The following NEURL1 variants were observed in gnomAD, a reference collection of about 807,000 sequenced individuals.
NEURL1 encodes E3 ubiquitin-protein ligase NEURL1.
Under a neutral mutation model 41.2 loss-of-function variants are expected in NEURL1, and 26 were observed. The ratio of observed to expected loss-of-function variants is 0.63; its 90% CI spans 0.46 to 0.87. The LOEUF (loss-of-function observed/expected upper bound fraction) is 0.87. Among genes scored for constraint, NEURL1 ranks in the 40% least tolerant of loss-of-function variants. The probability of loss-of-function intolerance (pLI) is 0.00; values close to 1 mark genes in which losing one functional copy is unlikely to be tolerated. For missense variants in NEURL1, 761 were observed against 871.1 expected (o/e 0.87, Z 1.59); for synonymous variants, 400 against 402.3 (o/e 0.99, Z 0.07).
chr10:103,518,857 G>C (rs1230967020), intron 1 of NEURL1, among the ~76,000 whole-genome samples: 2 of 152,212 alleles, frequency 1.3e-5, no homozygotes, highest in Non-Finnish European at 2.9e-5. Flanking sequence ...ATTGGCTGGG[G>C]TTGAGTAGTG....
chr10:103,545,835 G>A lies in NEURL1; in HGVS notation c.86-25037G>A, dbSNP rs1198215145. ...AGTCCCCACTTTCTCTTTTGGAGACGTGTGTGGTGCTGAAGCTCTGACCCC... is the reference window on the plus strand; with the variant it reads ...AGTCCCCACTTTCTCTTTTGGAGACATGTGTGGTGCTGAAGCTCTGACCCC... On this transcript the variant is annotated intron_variant, in intron 1 of 5. Transcript: ENST00000369780. This position sits in a 1 kb window ranked among gnomAD's most constrained non-coding sequence, Gnocchi z 4.5. Among the ~76,000 whole-genome samples, 1 of 152,172 alleles carries A rather than the reference G, an allele frequency of 6.6e-6. No individual in the cohort carries two copies. Among genetic ancestry groups the A allele is most frequent in the Non-Finnish European group, 1.5e-5 (1 of 68,034 alleles).
At chr10:103,529,770 T>TTC (rs1256038464) in intron 1 of NEURL1, among the ~76,000 whole-genome samples, 1 of 152,224 alleles carries the variant, frequency 6.6e-6, no homozygotes, top group African/African-American at 2.4e-5. Flanking sequence ...TTGAAAAGTT[T>TTC]TCTTGACTCC....
intron 1 of NEURL1, among the ~76,000 whole-genome samples, chr10:103,495,058 G>C (rs2033651148): frequency 6.6e-6 from 1 of 152,186 alleles, no homozygotes; most frequent in Non-Finnish European, 1.5e-5. Context: ...CAGAGCCCTA[G>C]AAAAGAGGGT....
chr10:103,539,831 A>T (rs571393786), intron 1 of NEURL1, among the ~76,000 whole-genome samples: 1 of 152,356 alleles, frequency 6.6e-6, no homozygotes, highest in Non-Finnish European at 1.5e-5. Flanking sequence ...ACTTTGAATA[A>T]GGCTCCTTTA....
chr10:103,555,387 G>C (rs753854578), intron 1 of NEURL1: 1 of 1,359,852 alleles, frequency 7.4e-7, no homozygotes, highest in South Asian at 1.1e-5. Flanking sequence ...GAGATGGGGG[G>C]ACAGATCACC....
At position 103,584,794 on chromosome 10, in the gene NEURL1, C is replaced by T. The variant is rs1485489888; in HGVS notation, c.908C>T (p.Ala303Val). 72 of 1,434,422 alleles carry T rather than the reference C, an allele frequency of 5.0e-5. No homozygotes were observed. Among genetic ancestry groups the T allele is most frequent in the Non-Finnish European group, 6.1e-5 (67 of 1,099,604 alleles). 88.9% of individuals were successfully genotyped at this position (1,434,422 alleles called of 1,614,324 possible). The change falls in exon 4 of 6, where the codon GCG (alanine) becomes GTG (valine). Residue 303 changes from alanine (A) to valine (V), a missense_variant. Physicochemically the swap from Ala to Val is moderately conservative, Grantham distance 64. Transcript: ENST00000369780. ...CGTTTCCACGCCCTGCGCGCCGGCGCGCACGTCCGCATCCTCGACGAGCAG... is the reference window on the plus strand; with the variant it reads ...CGTTTCCACGCCCTGCGCGCCGGCGTGCACGTCCGCATCCTCGACGAGCAG... ...DLRFHALRAG[A>V]HVRILDEQTV...
At chr10:103,495,960 T>C (rs2033673831) in intron 1 of NEURL1, among the ~76,000 whole-genome samples, 1 of 152,022 alleles carries the variant, frequency 6.6e-6, no homozygotes, top group Admixed American at 6.6e-5. Flanking sequence ...ATACAAAAAT[T>C]AGCCGGGCAT....
intron 1 of NEURL1, among the ~76,000 whole-genome samples, chr10:103,529,636 C>T (rs1423592633): frequency 6.6e-6 from 1 of 152,104 alleles, no homozygotes; most frequent in South Asian, 2.1e-4. Context: ...ACTATATTGC[C>T]ATAAGTTAAG....
intron 1 of NEURL1, among the ~76,000 whole-genome samples, chr10:103,569,015 A>G (rs2035483883): frequency 6.6e-6 from 1 of 152,158 alleles, no homozygotes; most frequent in Non-Finnish European, 1.5e-5. Flanking sequence ...GGGTTTCACC[A>G]TATTGCCCAG....
In NEURL1 at chr10:103,590,530, G is replaced by T; in HGVS notation, c.*158G>T. The T allele has an allele frequency of 1.6e-6, 1 of 635,174 alleles. No homozygotes were observed. Among genetic ancestry groups the T allele is most frequent in the East Asian group, 2.7e-5 (1 of 36,382 alleles). 39.3% of individuals were successfully genotyped at this position (635,174 alleles called of 1,614,324 possible). A position where few individuals can be genotyped will look rare whatever the true frequency, so the allele number is the denominator to read the frequency against. The stretch of plus-strand genomic sequence containing the variant: ...TGAAGCCCTTGAAGGTTTGGGGAGA[G>T]GGGGGTATCAGGCAGGGAGGGGGCA... On this transcript the variant is annotated 3_prime_UTR_variant, in exon 6 of 6. Transcript: ENST00000369780.
At chr10:103,494,665 G>T in intron 1 of NEURL1, 193 bp downstream of exon 1, 2 of 576,368 alleles carry the variant, frequency 3.5e-6, no homozygotes, top group Middle Eastern at 4.4e-4. Context: ...GTCCCGCGGG[G>T]TCTGCGCAGT....
intron 1 of NEURL1, among the ~76,000 whole-genome samples, chr10:103,500,973 C>A (rs905038881): frequency 6.6e-6 from 1 of 151,750 alleles, no homozygotes; most frequent in Non-Finnish European, 1.5e-5. Flanking sequence ...GGAGGAGAGC[C>A]CAGAGTTGGA....
At chr10:103,526,902 G>A (rs1279592776) in intron 1 of NEURL1, among the ~76,000 whole-genome samples, 5 of 150,556 alleles carry the variant, frequency 3.3e-5, no homozygotes, top group African/African-American at 4.9e-5. Flanking sequence ...AGTCTCTAAT[G>A]ATCCTTTGTA....
chr10:103,520,029 C>G (rs2034310914), intron 1 of NEURL1, among the ~76,000 whole-genome samples: 1 of 152,112 alleles, frequency 6.6e-6, no homozygotes, highest in South Asian at 2.1e-4. Flanking sequence ...AGCAATCCTC[C>G]TGCTTCAGCC....
chr10:103,579,421 T>G (rs2035738855), intron 3 of NEURL1, among the ~76,000 whole-genome samples: 1 of 152,212 alleles, frequency 6.6e-6, no homozygotes, highest in African/African-American at 2.4e-5. Context: ...GGAGGGTATC[T>G]GGGATACATA....
intron 1 of NEURL1, among the ~76,000 whole-genome samples, chr10:103,546,263 G>A (rs1444587453): frequency 6.6e-6 from 1 of 152,220 alleles, no homozygotes; most frequent in Non-Finnish European, 1.5e-5. Context: ...GCAGCACTCT[G>A]CAGTAGACAA....
chr10:103,525,750 T>G (rs2034447206), intron 1 of NEURL1, among the ~76,000 whole-genome samples: 1 of 152,198 alleles, frequency 6.6e-6, no homozygotes, highest in Admixed American at 6.5e-5. Flanking sequence ...TTTCTCTTCC[T>G]TAATTGCTCT....
intron 1 of NEURL1, among the ~76,000 whole-genome samples, chr10:103,560,047 GCA>G (rs953418443): frequency 3.3e-5 from 5 of 151,508 alleles, no homozygotes; most frequent in African/African-American, 7.3e-5. Context: ...ATAAACACAC[GCA>G]CACACACATA....
At chr10:103,519,539 G>A (rs900760658) in intron 1 of NEURL1, among the ~76,000 whole-genome samples, 1 of 152,142 alleles carries the variant, frequency 6.6e-6, no homozygotes, top group Non-Finnish European at 1.5e-5. Context: ...CACCTGCCTT[G>A]GTGCAAGTCC....
Sources: gnomAD v4.1 joint callset for allele counts (sites outside exome capture counted in the v4.1 genomes callset) on GRCh38, gnomAD v4.1.1 for gene constraint, Gnocchi (gnomAD v3.1) non-coding constraint, MANE v1.5 for transcripts, NCBI Gene and HGNC (gene_info 2026-07-23, HGNC 2026-07-21) for gene names.